The following PKD2L2 variants were observed in gnomAD, a reference collection of about 807,000 sequenced individuals.
PKD2L2 encodes polycystin-2-like protein 2.
PKD2L2 carries 67 observed loss-of-function variants against 83.9 expected under a neutral mutation model. The ratio of observed to expected loss-of-function variants is 0.80; its 90% CI spans 0.66 to 0.98. The LOEUF (loss-of-function observed/expected upper bound fraction) is 0.98. Ranked by LOEUF, PKD2L2 falls within the 50% of genes least tolerant of loss-of-function variation. The probability of loss-of-function intolerance (pLI) is 0.00; values close to 1 mark genes in which losing one functional copy is unlikely to be tolerated. For synonymous variants in PKD2L2, 223 were observed against 237.8 expected, an observed-to-expected ratio of 0.94 and a Z score of 0.57; for missense variants, 632 against 717.2, an observed-to-expected ratio of 0.88 and a Z score of 1.36.
At chr5:137,934,892 A>G (rs1229099851) in intron 12 of PKD2L2, among the ~76,000 whole-genome samples, 1 of 152,174 alleles carries the variant, frequency 6.6e-6, no homozygotes, top group South Asian at 2.1e-4. Context: ...CACACACACA[A>G]AAGAAAAAAA....
chr5:137,911,395 C>A (rs1181303378), intron 8 of PKD2L2, among the ~76,000 whole-genome samples: 1 of 152,090 alleles, frequency 6.6e-6, no homozygotes, highest in East Asian at 1.9e-4. Context: ...GGGTTGGTTC[C>A]ACATTTTAGC....
At chr5:137,936,166 T>C (rs1006684279) in intron 13 of PKD2L2, among the ~76,000 whole-genome samples, 154 bp from the exon 14 acceptor site, 1 of 152,246 alleles carries the variant, frequency 6.6e-6, no homozygotes, top group African/African-American at 2.4e-5. Context: ...GTTCTCCACA[T>C]AGCTTTAGAA....
intron 14 of PKD2L2, chr5:137,939,813 G>C (rs1204066388): frequency 8.2e-7 from 1 of 1,218,112 alleles, no homozygotes; most frequent in Non-Finnish European, 1.0e-6. Flanking sequence ...GTAAGAAAAA[G>C]GCAACAGAAG....
chr5:137,914,509 C>A (rs1351392210), intron 8 of PKD2L2, among the ~76,000 whole-genome samples: 1 of 152,176 alleles, frequency 6.6e-6, no homozygotes, highest in Non-Finnish European at 1.5e-5. Flanking sequence ...CAACTTAATT[C>A]ATTTATTCTA....
intron 4 of PKD2L2, 94 bp downstream of exon 4, chr5:137,894,703 G>A (rs1756285905): frequency 2.2e-6 from 2 of 891,562 alleles, no homozygotes; most frequent in East Asian, 4.9e-5. Context: ...CTGGGTCCTG[G>A]AAGGGTAAGG....
chr5:137,906,107 C>A, intron 5 of PKD2L2, 99 bp from the exon 6 acceptor site: 1 of 690,574 alleles, frequency 1.4e-6, no homozygotes, highest in Non-Finnish European at 2.5e-6. Context: ...AACTGATTAT[C>A]ATTAAAGCAT....
intron 8 of PKD2L2, among the ~76,000 whole-genome samples, chr5:137,918,332 G>A (rs1758565599): frequency 6.6e-6 from 1 of 151,978 alleles, no homozygotes; most frequent in Admixed American, 6.6e-5. Context: ...TTAATGTCTG[G>A]ATCCCAAAAA....
At chr5:137,908,021 T>A in intron 7 of PKD2L2, 109 bp downstream of exon 7, 1 of 537,816 alleles carries the variant, frequency 1.9e-6, no homozygotes, top group Non-Finnish European at 3.0e-6. Flanking sequence ...TAAGTAATTT[T>A]AAAAGTAGTT....
chr5:137,927,620 G>C (rs901891740), intron 12 of PKD2L2, among the ~76,000 whole-genome samples: 1 of 152,286 alleles, frequency 6.6e-6, no homozygotes, highest in East Asian at 1.9e-4. Context: ...TATAAAAGAG[G>C]ATGTCCTTGT....
In PKD2L2 at chr5:137,925,923, C is replaced by T. The variant is rs146003122; in HGVS notation, c.1665C>T (p.Asp555=). The T allele has an allele frequency of 7.3e-4, 1,156 of 1,583,172 alleles. 8 individuals are homozygous for T. In the Middle Eastern group the frequency reaches 0.02, roughly 28 times the overall value. ...LAEQARREGF[D]ENEIQNAEQM... ...AACAAGCCAGAAGAGAAGGCTTTGACGAAAATGTAAGATTTTAATTTTTTT... is the reference window on the plus strand; with the variant it reads ...AACAAGCCAGAAGAGAAGGCTTTGATGAAAATGTAAGATTTTAATTTTTTT... The change falls in exon 12 of 15, where the codon GAC becomes GAT. Residue 555 remains aspartate, a synonymous_variant. Transcript: ENST00000508883.
intron 14 of PKD2L2, chr5:137,942,162 C>T (rs1762045785): frequency 1.3e-6 from 1 of 742,658 alleles, no homozygotes; most frequent in Non-Finnish European, 2.2e-6. Flanking sequence ...TCTACCAATG[C>T]CTAAGCTCCA....
chr5:137,941,841 C>G (rs1761948746), intron 14 of PKD2L2: 1 of 954,062 alleles, frequency 1.0e-6, no homozygotes, highest in African/African-American at 1.6e-5. Context: ...TGCTAGCATC[C>G]TATATGCACA....
chr5:137,920,835 G>C (rs1328386606), intron 8 of PKD2L2, among the ~76,000 whole-genome samples: 1 of 151,872 alleles, frequency 6.6e-6, no homozygotes, highest in Non-Finnish European at 1.5e-5. Context: ...CTTGAGACTA[G>C]CAAGTGACAA....
At chr5:137,899,463 T>C in intron 4 of PKD2L2, 53 bp from the exon 5 acceptor site, 1 of 1,182,894 alleles carries the variant, frequency 8.5e-7, no homozygotes, top group Admixed American at 1.9e-5. Flanking sequence ...ATTCTTAGAA[T>C]ACTTCTCAGT....
At chr5:137,912,251 T>C (rs6864727) in intron 8 of PKD2L2, among the ~76,000 whole-genome samples, 47,725 of 152,090 alleles carry the variant, frequency 0.31, 7,666 homozygotes, top group South Asian at 0.37. Context: ...ATAGAGGCTA[T>C]ACCATTTTAC....
chr5:137,936,484 C>T (rs969848424), intron 14 of PKD2L2, 57 bp downstream of exon 14: 1 of 1,414,044 alleles, frequency 7.1e-7, no homozygotes, highest in African/African-American at 1.4e-5. Context: ...GAGACGGAGT[C>T]TCGCTCTAAC....
At chr5:137,904,573 A>G (rs575810865) in intron 5 of PKD2L2, among the ~76,000 whole-genome samples, 396 of 152,272 alleles carry the variant, frequency 2.6e-3, no homozygotes, top group Admixed American at 4.6e-3. Context: ...ATAAGAACAC[A>G]TGGACAGAAA....
rs1479456166 is a variant in PKD2L2 at position 137,892,520 on chromosome 5, C to A, written c.174C>A (p.Asn58Lys). 6.2e-7 allele frequency: 1 copy of A among 1,600,182 alleles called. No individual in the cohort carries two copies. The change falls in exon 3 of 15, where the codon AAC becomes AAA. Residue 58 changes from asparagine (N) to lysine (K), a missense_variant. Physicochemically the swap from Asn to Lys is moderately conservative, Grantham distance 94 (BLOSUM62 0). Transcript: ENST00000508883. The stretch of plus-strand genomic sequence containing the variant: ...TAAACCCACATATGTATTACTTAAA[C>A]AAGGTTATGTCATCTCTATTTTTGG... Reference protein sequence around the residue: ...GMVNPHMYYLNKVMSSLFLDT... With the variant: ...GMVNPHMYYLKKVMSSLFLDT...
chr5:137,891,087 A>G (rs1377300443), intron 2 of PKD2L2, among the ~76,000 whole-genome samples: 3 of 152,170 alleles, frequency 2.0e-5, no homozygotes, highest in Non-Finnish European at 4.4e-5. Context: ...AAACATCTCA[A>G]CCTGCATTCC....
Sources: gnomAD v4.1 joint callset for allele counts (sites outside exome capture counted in the v4.1 genomes callset) on GRCh38, gnomAD v4.1.1 for gene constraint, MANE v1.5 for transcripts, NCBI Gene and HGNC (gene_info 2026-07-23, HGNC 2026-07-21) for gene names.